The following FAM107B variants were observed in gnomAD, a reference collection of about 807,000 sequenced individuals.
FAM107B encodes the protein protein FAM107B.
In FAM107B, 21 loss-of-function variants were observed where a neutral mutation model predicts 31.5. The ratio of observed to expected loss-of-function variants is 0.67; its 90% CI spans 0.47 to 0.96. The LOEUF (loss-of-function observed/expected upper bound fraction) is 0.96, where lower values mean the gene tolerates loss of function less well. Ranked by LOEUF, FAM107B falls within the 40% of genes least tolerant of loss-of-function variation. The pLI is 0.00. For missense variants in FAM107B, 452 were observed against 377.1 expected, an observed-to-expected ratio of 1.20 and a Z score of -1.64; for synonymous variants, 157 against 141.5, an observed-to-expected ratio of 1.11 and a Z score of -0.78.
At chr10:14,632,866 C>T (rs1039109599) in intron 2 of FAM107B, among the ~76,000 whole-genome samples, 7 of 151,932 alleles carry the variant, frequency 4.6e-5, no homozygotes, top group Non-Finnish European at 8.8e-5. Flanking sequence ...AGAGATGAGG[C>T]TGGAGACCCA....
intron 3 of FAM107B, among the ~76,000 whole-genome samples, chr10:14,527,619 T>C (rs910375469): frequency 1.3e-5 from 2 of 152,242 alleles, no homozygotes; most frequent in African/African-American, 2.4e-5. Context: ...ATTACTCACC[T>C]GAGTGAGGGT....
intron 2 of FAM107B, among the ~76,000 whole-genome samples, chr10:14,655,897 G>T (rs1232976728): frequency 6.6e-6 from 1 of 152,132 alleles, no homozygotes; most frequent in South Asian, 2.1e-4. Context: ...CTCCTCAGGG[G>T]CTTGAGGCAG....
At chr10:14,595,388 T>A (rs1852153703) in intron 2 of FAM107B, among the ~76,000 whole-genome samples, 1 of 150,704 alleles carries the variant, frequency 6.6e-6, no homozygotes, top group Non-Finnish European at 1.5e-5. Flanking sequence ...CAGACTTGGA[T>A]CCTAATTCTG....
At chr10:14,622,111 A>T (rs946010203) in intron 2 of FAM107B, among the ~76,000 whole-genome samples, 2 of 152,160 alleles carry the variant, frequency 1.3e-5, no homozygotes, top group Non-Finnish European at 1.5e-5. Context: ...AATAAAGTCC[A>T]TCTTTCAATA....
chr10:14,592,642 A>G (rs976424494), intron 2 of FAM107B, among the ~76,000 whole-genome samples: 1 of 152,196 alleles, frequency 6.6e-6, no homozygotes, highest in Non-Finnish European at 1.5e-5. Flanking sequence ...TGTACAGCCC[A>G]ATTTTTACTC....
intron 2 of FAM107B, among the ~76,000 whole-genome samples, chr10:14,579,942 A>C (rs1035944503): frequency 5.3e-5 from 8 of 152,044 alleles, no homozygotes; most frequent in Non-Finnish European, 8.8e-5. Flanking sequence ...GAATTGCTTG[A>C]ACCCAGGAAG....
intron 3 of FAM107B, among the ~76,000 whole-genome samples, chr10:14,523,413 C>T (rs2130773053): frequency 6.6e-6 from 1 of 152,378 alleles, no homozygotes; most frequent in East Asian, 1.9e-4. Context: ...TCATGCTACG[C>T]ACGCAGGCAT....
chr10:14,611,484 TTATATATATATATATA>T (rs3035276), intron 2 of FAM107B, among the ~76,000 whole-genome samples: 3,842 of 124,584 alleles, frequency 0.031, 86 homozygotes, highest in African/African-American at 0.054. Context: ...AATGCCAGTT[TTATATATATATATATA>T]TATATATATA....
intron 2 of FAM107B, among the ~76,000 whole-genome samples, chr10:14,620,098 A>C (rs1269209509): frequency 1.3e-5 from 2 of 149,900 alleles, no homozygotes; most frequent in African/African-American, 4.9e-5. Flanking sequence ...CGGCTCACTG[A>C]AACCTCCGCT....
In FAM107B at chr10:14,530,324, C is replaced by G. The variant is rs1039411705; in HGVS notation, c.653+8G>C. 6.3e-7 allele frequency: 1 copy of G among 1,598,044 alleles called. No individual in the cohort carries two copies. Among genetic ancestry groups the G allele is most frequent in the South Asian group, 1.2e-5 (1 of 86,492 alleles). ...TAAAAAAAAAATATGCTCAAGAAAC[C>G]ATTTTACCTTTTTTGATTCATAAGA... On this transcript the variant is annotated splice_region_variant and intron_variant, in intron 3 of 4. Transcript: ENST00000181796.
chr10:14,740,010 C>G (rs1041392635), intron 1 of FAM107B, among the ~76,000 whole-genome samples: 1 of 152,232 alleles, frequency 6.6e-6, no homozygotes, highest in Admixed American at 6.5e-5. Context: ...TGCTCATTCA[C>G]TGCCTGTGGG....
chr10:14,645,461 C>T (rs370387640), intron 2 of FAM107B, among the ~76,000 whole-genome samples: 1 of 148,592 alleles, frequency 6.7e-6, no homozygotes, highest in Admixed American at 6.7e-5. Context: ...CACACTGTGG[C>T]TGTCTGATTC....
intron 3 of FAM107B, among the ~76,000 whole-genome samples, chr10:14,529,115 A>G (rs1472680975): frequency 6.6e-6 from 1 of 152,228 alleles, no homozygotes; most frequent in Non-Finnish European, 1.5e-5. Context: ...AAATGAAGAC[A>G]TGATTTCCCA....
intron 1 of FAM107B, among the ~76,000 whole-genome samples, chr10:14,747,929 C>A (rs146405669): frequency 6.6e-6 from 1 of 152,208 alleles, no homozygotes; most frequent in African/African-American, 2.4e-5. Flanking sequence ...CTCTGCCTGT[C>A]CCTCCATCCC....
chr10:14,737,436 G>A (rs1312112182), intron 1 of FAM107B, among the ~76,000 whole-genome samples: 6 of 151,966 alleles, frequency 3.9e-5, no homozygotes, highest in Admixed American at 2.6e-4. Flanking sequence ...AACACAGTGA[G>A]ACCCCGTCTC....
At chr10:14,724,042 AG>A (rs1452234560) in intron 1 of FAM107B, 1 of 818,698 alleles carries the variant, frequency 1.2e-6, no homozygotes, top group Non-Finnish European at 2.0e-6. Context: ...CAGGACATCA[AG>A]GGCTCTGGAC....
intron 2 of FAM107B, among the ~76,000 whole-genome samples, chr10:14,615,246 T>G (rs773610458): frequency 5.5e-4 from 84 of 152,086 alleles, no homozygotes; most frequent in African/African-American, 1.8e-3. Context: ...GGAGGACCAC[T>G]TGAACCTGGG....
chr10:14,648,359 CGGA>C, intron 2 of FAM107B, among the ~76,000 whole-genome samples: 1 of 152,302 alleles, frequency 6.6e-6, no homozygotes, highest in East Asian at 1.9e-4. Context: ...ACAAAAAGCC[CGGA>C]GAAGTACTGA....
chr10:14,653,095 C>T (rs1267380811), intron 2 of FAM107B, among the ~76,000 whole-genome samples: 2 of 152,160 alleles, frequency 1.3e-5, no homozygotes, highest in African/African-American at 4.8e-5. Flanking sequence ...AGAGAGAAGG[C>T]TCCATAAATG....
Sources: gnomAD v4.1 joint callset for allele counts (sites outside exome capture counted in the v4.1 genomes callset) on GRCh38, gnomAD v4.1.1 for gene constraint, MANE v1.5 for transcripts, NCBI Gene and HGNC (gene_info 2026-07-23, HGNC 2026-07-21) for gene names.